Variants in ALOX5AP observed in about 807,000 individuals in gnomAD.
ALOX5AP encodes arachidonate 5-lipoxygenase-activating protein.
Under a neutral mutation model 18.5 loss-of-function variants are expected in ALOX5AP, and 9 were observed. The observed-to-expected ratio is 0.49, with a 90% CI of 0.29 to 0.85. The LOEUF is 0.85. ALOX5AP is among the 40% of genes least tolerant of loss of function. The probability of loss-of-function intolerance (pLI) is 0.08; values close to 1 mark genes in which losing one functional copy is unlikely to be tolerated. For missense variants in ALOX5AP, 172 were observed against 202.5 expected, an observed-to-expected ratio of 0.85 and a Z score of 0.91; for synonymous variants, 81 against 78.6, an observed-to-expected ratio of 1.03 and a Z score of -0.16.
intron 4 of ALOX5AP, among the ~76,000 whole-genome samples, chr13:30,763,730 G>C (rs1422265985): frequency 1.3e-5 from 2 of 152,144 alleles, no homozygotes; most frequent in African/African-American, 4.8e-5. Context: ...TTGAGGTCTA[G>C]GCTCTCTTCA....
At chr13:30,731,827 G>A (rs1021154136), upstream of ALOX5AP, among the ~76,000 whole-genome samples, 1 of 152,250 alleles carries the variant, frequency 6.6e-6, no homozygotes, top group African/African-American at 2.4e-5. Context: ...CCGCTCAGCG[G>A]CTCCGGATTC....
At chr13:30,756,761 C>T (rs1951898049) in intron 4 of ALOX5AP, among the ~76,000 whole-genome samples, 2 of 138,362 alleles carry the variant, frequency 1.4e-5, no homozygotes, top group Non-Finnish European at 1.5e-5. Context: ...TGCAGTGAGC[C>T]GAGATTGCGC....
intron 4 of ALOX5AP, among the ~76,000 whole-genome samples, chr13:30,763,600 G>A (rs1042719869): frequency 1.3e-5 from 2 of 152,214 alleles, no homozygotes; most frequent in Non-Finnish European, 2.9e-5. Flanking sequence ...CTAATGCTCA[G>A]TGAGGATGCC....
chr13:30,736,821 G>T (rs958165608), intron 1 of ALOX5AP, among the ~76,000 whole-genome samples: 4 of 152,220 alleles, frequency 2.6e-5, no homozygotes, highest in African/African-American at 9.7e-5. Context: ...CTCAGAGAGG[G>T]AACAAATGGC....
intron 1 of ALOX5AP, among the ~76,000 whole-genome samples, chr13:30,729,438 T>C (rs890812980): frequency 3.9e-5 from 6 of 152,210 alleles, no homozygotes; most frequent in Non-Finnish European, 7.3e-5. Flanking sequence ...TGAGCATATA[T>C]GGGCATCATG....
At chr13:30,743,991 A>G in intron 1 of ALOX5AP, 69 bp from the exon 2 acceptor site, 1 of 1,336,700 alleles carries the variant, frequency 7.5e-7, no homozygotes, top group Non-Finnish European at 1.1e-6. Flanking sequence ...ACATTCTAGT[A>G]AAACAAGGAA....
chr13:30,761,969 G>A (rs1019968709), intron 4 of ALOX5AP, among the ~76,000 whole-genome samples: 2 of 152,156 alleles, frequency 1.3e-5, no homozygotes, highest in African/African-American at 4.8e-5. Context: ...ACCCTCTTTT[G>A]GGATGTTTAT....
chr13:30,731,079 G>T (rs1157358700), upstream of ALOX5AP, among the ~76,000 whole-genome samples: 1 of 152,234 alleles, frequency 6.6e-6, no homozygotes, highest in East Asian at 1.9e-4. Context: ...TTCTTGTAAA[G>T]TTACCTTTGC....
chr13:30,753,000 C>G (rs1951864415), intron 3 of ALOX5AP, among the ~76,000 whole-genome samples: 6 of 152,202 alleles, frequency 3.9e-5, no homozygotes, highest in Admixed American at 1.3e-4. Context: ...TATTCATTTA[C>G]ATAATAAATA....
intron 1 of ALOX5AP, chr13:30,742,213 G>C (rs1262811974): frequency 6.6e-6 from 1 of 152,360 alleles, no homozygotes; most frequent in Non-Finnish European, 1.5e-5. Flanking sequence ...CTACTCGGGA[G>C]GCTGAGGCAG....
At chr13:30,718,864 G>T (rs952009061) in intron 1 of ALOX5AP, among the ~76,000 whole-genome samples, 2 of 152,194 alleles carry the variant, frequency 1.3e-5, no homozygotes, top group Admixed American at 1.3e-4. Flanking sequence ...CCTCCCCCAA[G>T]TTCACAGAGA....
At chr13:30,757,325 G>T (rs1298685196) in intron 4 of ALOX5AP, among the ~76,000 whole-genome samples, 1 of 152,184 alleles carries the variant, frequency 6.6e-6, no homozygotes, top group Non-Finnish European at 1.5e-5. Context: ...GTTAGACCGT[G>T]AGCCGGGCTG....
intron 4 of ALOX5AP, among the ~76,000 whole-genome samples, chr13:30,757,051 C>T (rs749482208): frequency 6.6e-6 from 1 of 152,130 alleles, no homozygotes; most frequent in Non-Finnish European, 1.5e-5. Context: ...TCCTAATGCA[C>T]TAGTATGGTT....
At chr13:30,720,034 G>A (rs922960719) in intron 1 of ALOX5AP, among the ~76,000 whole-genome samples, 7 of 152,110 alleles carry the variant, frequency 4.6e-5, no homozygotes, top group Non-Finnish European at 7.4e-5. Flanking sequence ...GATAATTTTC[G>A]TATTTTTAGT....
At chr13:30,719,220 A>G (rs1951573889) in intron 1 of ALOX5AP, among the ~76,000 whole-genome samples, 1 of 152,248 alleles carries the variant, frequency 6.6e-6, no homozygotes, top group Non-Finnish European at 1.5e-5. Flanking sequence ...ATTAAGAGTT[A>G]TAATAGACAT....
chr13:30,738,252 T>C (rs1447565903), intron 1 of ALOX5AP, among the ~76,000 whole-genome samples: 2 of 152,228 alleles, frequency 1.3e-5, no homozygotes, highest in Non-Finnish European at 2.9e-5. Flanking sequence ...TGTCCTCCTC[T>C]GCCTTTCAAA....
Position 30,764,408 on chromosome 13 carries a change from G to A in ALOX5AP, c.*302G>A, listed in dbSNP as rs1160465474. 1 of 290,396 alleles carries A rather than the reference G, an allele frequency of 3.4e-6. No individual in the cohort carries two copies. The highest frequency in any genetic ancestry group is 7.0e-5 in the East Asian group (1 of 14,330). The allele number at this position is 290,396 out of a possible 1,614,324, so 18.0% of individuals were successfully genotyped here. Reference sequence around the variant, plus strand: ...TTGTGTTTTCTTAAAATAAAATGCAGAGACATGTTTTAAGCTGATAGTTGA... The same window carrying A: ...TTGTGTTTTCTTAAAATAAAATGCAAAGACATGTTTTAAGCTGATAGTTGA... On this transcript the variant is annotated 3_prime_UTR_variant, in exon 5 of 5. Coordinates refer to ENST00000380490, the MANE Select transcript of ALOX5AP (RefSeq NM_001629.4).
intron 4 of ALOX5AP, among the ~76,000 whole-genome samples, chr13:30,756,685 C>T (rs1422652830): frequency 1.3e-5 from 2 of 151,808 alleles, no homozygotes; most frequent in African/African-American, 4.8e-5. Context: ...TGGTGGTGGG[C>T]GCCTGTAATC....
intron 1 of ALOX5AP, among the ~76,000 whole-genome samples, chr13:30,716,285 C>T (rs1951549490): frequency 6.6e-6 from 1 of 152,232 alleles, no homozygotes. Flanking sequence ...ACACCGGCCT[C>T]ATACCATTAG....
Sources: gnomAD v4.1 joint callset for allele counts (sites outside exome capture counted in the v4.1 genomes callset) on GRCh38, gnomAD v4.1.1 for gene constraint, MANE v1.5 for transcripts, NCBI Gene and HGNC (gene_info 2026-07-23, HGNC 2026-07-21) for gene names.